The following GALK2 variants were observed in gnomAD, a reference collection of about 807,000 sequenced individuals.
GALK2 encodes the protein N-acetylgalactosamine kinase.
GALK2 carries 36 observed loss-of-function variants against 52.4 expected under a neutral mutation model. The ratio of observed to expected loss-of-function variants is 0.69; its 90% CI spans 0.53 to 0.91. The LOEUF is 0.91. Among genes scored for constraint, GALK2 ranks in the 40% least tolerant of loss-of-function variants. The pLI is 0.00. For synonymous variants in GALK2, 176 were observed against 199.1 expected (o/e 0.88, Z 0.98); for missense variants, 579 against 559.1 (o/e 1.04, Z -0.36).
chr15:49,339,800 CT>C lies in GALK2; in HGVS notation c.426+20002del, dbSNP rs1239767514. Among the ~76,000 whole-genome samples, 9 of 152,260 alleles carry C rather than the reference CT, an allele frequency of 5.9e-5. No individual in the cohort carries two copies. The South Asian group carries it at 8.3e-4, about 14-fold the overall frequency. The stretch of plus-strand genomic sequence containing the variant: ...ATAAGTCCCTGATTGGGGCTGGTGC[CT>C]TTTTTTCAGAGATGCCCTGCCCGTA... On this transcript the variant is annotated intron_variant, in intron 3 of 3. Coordinates refer to the GALK2 transcript ENST00000558399.
At chr15:49,344,638 C>T (rs1567112282) in intron 3 of GALK2, among the ~76,000 whole-genome samples, 2 of 152,158 alleles carry the variant, frequency 1.3e-5, no homozygotes, top group Non-Finnish European at 2.9e-5. Flanking sequence ...TGGAGCAATA[C>T]ACATAATTGA....
chr15:49,186,281 G>A (rs947194554), intron 1 of GALK2, among the ~76,000 whole-genome samples: 1 of 151,692 alleles, frequency 6.6e-6, no homozygotes, highest in African/African-American at 2.4e-5. Flanking sequence ...GTAACTTGTC[G>A]GCATGCTATA....
chr15:49,352,507 C>T (rs928812728), intron 3 of GALK2, among the ~76,000 whole-genome samples: 1 of 152,202 alleles, frequency 6.6e-6, no homozygotes, highest in Non-Finnish European at 1.5e-5. Flanking sequence ...CCTTCAGTAT[C>T]ATCCCACCCC....
intron 1 of GALK2, chr15:49,156,964 A>G (rs772735180): frequency 6.1e-6 from 2 of 328,318 alleles, no homozygotes; most frequent in Non-Finnish European, 5.8e-6. Flanking sequence ...TCATTGTGAG[A>G]GCATCCTCTT....
chr15:49,276,004 T>A (rs2031594403), intron 5 of GALK2, among the ~76,000 whole-genome samples: 1 of 152,322 alleles, frequency 6.6e-6, no homozygotes, highest in East Asian at 1.9e-4. Flanking sequence ...TAAAAGAAGA[T>A]CTGTAAATAA....
rs139875689 is a variant in GALK2, at chr15:49,282,461, T to C, written c.603+376T>C. On this transcript the variant is annotated intron_variant, in intron 6 of 9. Transcript: ENST00000560031. ...CTCATGCATTTTTATAATCTCTTGT[T>C]GGTTTTAAACCCAAATCATAGTTCT... 1.1e-3 allele frequency among the ~76,000 whole-genome samples: 167 copies of C among 152,336 alleles called. 1 individual carries two copies. The highest frequency in any genetic ancestry group is 4.0e-3 in the African/African-American group (165 of 41,576).
chr15:49,310,274 A>C (rs911229508), intron 8 of GALK2, among the ~76,000 whole-genome samples: 6 of 152,022 alleles, frequency 3.9e-5, no homozygotes, highest in Admixed American at 3.9e-4. Context: ...CATTTTCTTT[A>C]TTCATTCATC....
chr15:49,232,488 T>G (rs2090557139), intron 3 of GALK2, among the ~76,000 whole-genome samples: 1 of 152,246 alleles, frequency 6.6e-6, no homozygotes, highest in Non-Finnish European at 1.5e-5. Flanking sequence ...ATTTGACTAT[T>G]CTTTACTTAT....
intron 3 of GALK2, among the ~76,000 whole-genome samples, chr15:49,231,935 C>G (rs948629953): frequency 6.6e-6 from 1 of 152,200 alleles, no homozygotes; most frequent in Non-Finnish European, 1.5e-5. Context: ...TTTACATGTG[C>G]ATGGTACAAG....
chr15:49,331,770 G>A lies in GALK2; in HGVS notation c.*3611G>A, dbSNP rs1161169276. The A allele has an allele frequency of 4.5e-6, 7 of 1,542,920 alleles. No homozygotes were observed. The highest frequency in any genetic ancestry group is 6.3e-6 in the Non-Finnish European group (7 of 1,115,714). Reference sequence around the variant, plus strand: ...GAGAATTCTCAATTATTTTCAGAAAGAAAACCTACCAGTTTATGTAGGAAC... The same window carrying A: ...GAGAATTCTCAATTATTTTCAGAAAAAAAACCTACCAGTTTATGTAGGAAC... On this transcript the variant is annotated 3_prime_UTR_variant, in exon 10 of 10. Transcript: ENST00000560031.
Position 49,178,195 on chromosome 15 carries a change from C to CTATATATATATATATA in GALK2, c.53+7837_53+7852dup, listed in dbSNP as rs71120671. On this transcript the variant is annotated intron_variant, in intron 1 of 9. Transcript: ENST00000560031. ...AAAAAAAAAAAAAAAAAAAGAAATACTATATATATATATATATATATATAT... is the reference window on the plus strand; with the variant it reads ...AAAAAAAAAAAAAAAAAAAGAAATACTATATATATATATATATATATATATATATATATATATATAT... Among the ~76,000 whole-genome samples, 309 of 50,320 alleles carry CTATATATATATATATA rather than the reference C, an allele frequency of 6.1e-3. 3 individuals carry two copies. The highest frequency in any genetic ancestry group is 7.5e-3 in the African/African-American group (94 of 12,512). 33.0% of individuals were successfully genotyped at this position (50,320 alleles called of 152,430 possible).
At chr15:49,178,592 C>T (rs891673924) in intron 1 of GALK2, 12 of 229,260 alleles carry the variant, frequency 5.2e-5, no homozygotes, top group African/African-American at 2.3e-4. Flanking sequence ...GTAGCCCTGT[C>T]GGTGCACTTT....
At chr15:49,348,340 C>T (rs544811164) in intron 3 of GALK2, among the ~76,000 whole-genome samples, 1 of 152,238 alleles carries the variant, frequency 6.6e-6, no homozygotes, top group African/African-American at 2.4e-5. Flanking sequence ...AGTTCCCTAG[C>T]TCTCTGCTTG....
intron 1 of GALK2, among the ~76,000 whole-genome samples, chr15:49,182,324 T>C (rs71467666): frequency 0.067 from 10,135 of 152,284 alleles, 462 homozygotes; most frequent in East Asian, 0.18. Context: ...AATGACAGGA[T>C]CTCATTCTTT....
intron 2 of GALK2, among the ~76,000 whole-genome samples, chr15:49,213,601 T>C (rs2089120345): frequency 6.6e-6 from 1 of 152,152 alleles, no homozygotes; most frequent in South Asian, 2.1e-4. Flanking sequence ...TCTTTATTGA[T>C]GAGGTTAGCT....
At chr15:49,260,937 G>A (rs1055281716) in intron 5 of GALK2, among the ~76,000 whole-genome samples, 12 of 152,026 alleles carry the variant, frequency 7.9e-5, no homozygotes, top group Admixed American at 2.6e-4. Flanking sequence ...TCTCTGTTTC[G>A]GTACCAGTAC....
Position 49,255,576 on chromosome 15 carries a change from ATG to A in GALK2, c.504+16211_504+16212del, listed in dbSNP as rs2091781226. 1.8e-5 allele frequency among the ~76,000 whole-genome samples: 2 copies of A among 108,110 alleles called. 1 individual carries two copies. Among genetic ancestry groups the A allele is most frequent in the African/African-American group, 5.9e-5 (2 of 33,900 alleles). 70.9% of individuals were successfully genotyped at this position (108,110 alleles called of 152,430 possible). On this transcript the variant is annotated intron_variant, in intron 5 of 9. Coordinates refer to ENST00000560031, the MANE Select transcript of GALK2 (RefSeq NM_002044.4). The stretch of plus-strand genomic sequence containing the variant: ...CCCAAGAATACTGTATAGGTGATGG[ATG>A]TCCTTCTTGGTGAATTGCATCACAT...
intron 3 of GALK2, among the ~76,000 whole-genome samples, chr15:49,346,710 C>T (rs914895341): frequency 3.3e-5 from 5 of 152,000 alleles, no homozygotes; most frequent in Non-Finnish European, 5.9e-5. Context: ...AGGCTTAAGG[C>T]GAAAGTGCCC....
At chr15:49,155,994 G>C in exon 1 of GALK2, 1 of 1,614,186 alleles carries the variant, frequency 6.2e-7, no homozygotes, top group Admixed American at 1.7e-5. Context: ...AGAAAAGGCT[G>C]ACATGCCCGT....
Sources: allele counts gnomAD v4.1 joint callset (sites outside exome capture counted in the v4.1 genomes callset), GRCh38; gene constraint gnomAD v4.1.1; transcripts MANE v1.5; gene names NCBI Gene and HGNC (gene_info 2026-07-23, HGNC 2026-07-21).